Variants in PLCB4 observed in about 807,000 individuals in gnomAD.
PLCB4 encodes 1-phosphatidylinositol 4,5-bisphosphate phosphodiesterase beta-4.
A neutral mutation model predicts 178.8 loss-of-function variants in PLCB4; 77 were observed. That is an observed-to-expected ratio of 0.43 (90% CI 0.36 to 0.52). The LOEUF (loss-of-function observed/expected upper bound fraction) is 0.52, where lower values mean the gene tolerates loss of function less well. Among genes scored for constraint, PLCB4 ranks in the 20% least tolerant of loss-of-function variants. The pLI is 0.00. For missense variants in PLCB4, 1,024 were observed against 1,453.4 expected, an observed-to-expected ratio of 0.70 and a Z score of 4.80; for synonymous variants, 496 against 490.8, an observed-to-expected ratio of 1.01 and a Z score of -0.14.
intron 2 of PLCB4, among the ~76,000 whole-genome samples, chr20:9,185,217 C>T (rs375720381): frequency 1.3e-5 from 2 of 152,184 alleles, no homozygotes; most frequent in African/African-American, 4.8e-5. Flanking sequence ...ACTTTGCTTC[C>T]TTGTGGAAAA....
At chr20:9,450,153 AC>A (rs2042665878) in intron 32 of PLCB4, among the ~76,000 whole-genome samples, 1 of 152,216 alleles carries the variant, frequency 6.6e-6, no homozygotes, top group South Asian at 2.1e-4. Context: ...TTAAGTTAAC[AC>A]ATTTAATTTT....
intron 2 of PLCB4, among the ~76,000 whole-genome samples, chr20:9,135,578 A>AT (rs904297449): frequency 7.2e-5 from 11 of 151,984 alleles, no homozygotes; most frequent in Non-Finnish European, 1.6e-4. Flanking sequence ...CCCCACCTTG[A>AT]TTTTTTATAG....
chr20:9,314,115 CA>C (rs1242138959), intron 4 of PLCB4, among the ~76,000 whole-genome samples: 5 of 152,154 alleles, frequency 3.3e-5, no homozygotes, highest in Admixed American at 6.5e-5. Context: ...GGGGATTATT[CA>C]GCTAGGGCAG....
intron 3 of PLCB4, among the ~76,000 whole-genome samples, chr20:9,293,138 A>C (rs1230983331): frequency 6.6e-6 from 1 of 151,190 alleles, no homozygotes; most frequent in Admixed American, 6.6e-5. Flanking sequence ...AGAGACACAG[A>C]CAGAAGTAAG....
At chr20:9,191,671 TG>T (rs2093406049) in intron 2 of PLCB4, among the ~76,000 whole-genome samples, 1 of 152,090 alleles carries the variant, frequency 6.6e-6, no homozygotes, top group Admixed American at 6.6e-5. Flanking sequence ...CAATGGTCTG[TG>T]GTCAGTTTTG....
intron 13 of PLCB4, among the ~76,000 whole-genome samples, chr20:9,381,624 T>C (rs1245278168): frequency 1.3e-5 from 2 of 152,164 alleles, no homozygotes; most frequent in African/African-American, 4.8e-5. Context: ...TTGACACATC[T>C]AAAAAGGGTA....
chr20:9,179,434 G>C (rs992914011), intron 2 of PLCB4, among the ~76,000 whole-genome samples: 3 of 152,122 alleles, frequency 2.0e-5, no homozygotes, highest in African/African-American at 7.2e-5. Context: ...ACAATGAAAT[G>C]GATGATTCCT....
chr20:9,420,726 A>G (rs1480454835), intron 26 of PLCB4, among the ~76,000 whole-genome samples: 1 of 152,150 alleles, frequency 6.6e-6, no homozygotes, highest in Non-Finnish European at 1.5e-5. Flanking sequence ...TAAACAAAAA[A>G]CCCTAATAAG....
At chr20:9,154,832 C>A (rs965037439) in intron 2 of PLCB4, among the ~76,000 whole-genome samples, 3 of 145,840 alleles carry the variant, frequency 2.1e-5, no homozygotes, top group African/African-American at 7.6e-5. Context: ...CTTTCCCTCC[C>A]TTCTTTCCTT....
At chr20:9,298,637 G>GT (rs1273965797) in intron 3 of PLCB4, among the ~76,000 whole-genome samples, 4 of 151,966 alleles carry the variant, frequency 2.6e-5, no homozygotes, top group African/African-American at 9.7e-5. Context: ...TTTTAGACAT[G>GT]TTTTTTAAAA....
chr20:9,202,578 T>G (rs113480438), intron 2 of PLCB4, among the ~76,000 whole-genome samples: 1 of 152,092 alleles, frequency 6.6e-6, no homozygotes, highest in Non-Finnish European at 1.5e-5. Flanking sequence ...TTGGCTCTGA[T>G]GTCAGAGGTA....
At chr20:9,233,528 A>G (rs529386228) in intron 3 of PLCB4, among the ~76,000 whole-genome samples, 27 of 152,268 alleles carry the variant, frequency 1.8e-4, no homozygotes, top group African/African-American at 5.3e-4. Flanking sequence ...AGGCTATGGT[A>G]GGATAGGTGA....
chr20:9,388,233 C>T (rs2037843480), intron 15 of PLCB4, among the ~76,000 whole-genome samples: 1 of 152,114 alleles, frequency 6.6e-6, no homozygotes, highest in Non-Finnish European at 1.5e-5. Context: ...AGTGAAACTC[C>T]ATCTCAATAA....
At chr20:9,171,667 G>T (rs915276078) in intron 2 of PLCB4, among the ~76,000 whole-genome samples, 36 of 152,106 alleles carry the variant, frequency 2.4e-4, no homozygotes. Flanking sequence ...ATAAATTCAG[G>T]TTATAAATTT....
chr20:9,093,342 A>G (rs1052915079), intron 1 of PLCB4, among the ~76,000 whole-genome samples: 2 of 152,114 alleles, frequency 1.3e-5, no homozygotes, highest in Admixed American at 6.6e-5. Flanking sequence ...CCCTCCTCTG[A>G]CCCTCAGTCC....
At chr20:9,288,569 A>C (rs1385087050) in intron 3 of PLCB4, among the ~76,000 whole-genome samples, 1 of 151,984 alleles carries the variant, frequency 6.6e-6, no homozygotes, top group Admixed American at 6.6e-5. Flanking sequence ...GAGATGTCTT[A>C]GGAGGCTGCT....
At chr20:9,136,105 T>G (rs906613947) in intron 2 of PLCB4, among the ~76,000 whole-genome samples, 1 of 152,094 alleles carries the variant, frequency 6.6e-6, no homozygotes, top group Non-Finnish European at 1.5e-5. Context: ...TAGGCAGCAT[T>G]TCTTATACAC....
chr20:9,210,215 C>T (rs1306532138), intron 2 of PLCB4, among the ~76,000 whole-genome samples: 1 of 152,054 alleles, frequency 6.6e-6, no homozygotes, highest in Non-Finnish European at 1.5e-5. Flanking sequence ...ATGAACTCCT[C>T]TAAAGAGCCC....
chr20:9,229,750 A>G (rs1242314043), intron 3 of PLCB4, among the ~76,000 whole-genome samples: 1 of 152,126 alleles, frequency 6.6e-6, no homozygotes, highest in Non-Finnish European at 1.5e-5. Context: ...CAGGTCTGTT[A>G]CATAGGTAAA....
Sources: allele counts gnomAD v4.1 joint callset (sites outside exome capture counted in the v4.1 genomes callset), GRCh38; gene constraint gnomAD v4.1.1; transcripts MANE v1.5; gene names NCBI Gene and HGNC (gene_info 2026-07-23, HGNC 2026-07-21).